Variants in FAM184B observed in about 807,000 individuals in gnomAD.
The protein encoded by FAM184B is family with sequence similarity 184 member B.
FAM184B carries 111 observed loss-of-function variants against 135.9 expected under a neutral mutation model. That is an observed-to-expected ratio of 0.82 (90% CI 0.70 to 0.96). The LOEUF is 0.96. Among genes scored for constraint, FAM184B ranks in the 40% least tolerant of loss-of-function variants. The probability of loss-of-function intolerance (pLI) is 0.00; values close to 1 mark genes in which losing one functional copy is unlikely to be tolerated. For missense variants in FAM184B, 1,375 were observed against 1,323.9 expected (o/e 1.04, Z -0.60); for synonymous variants, 552 against 524.8 (o/e 1.05, Z -0.71).
rs150967060 is a variant in FAM184B, at chr4:17,686,170, T to C, written c.1596+2254A>G. On this transcript the variant is annotated intron_variant, in intron 7 of 17. Coordinates refer to ENST00000265018, the MANE Select transcript of FAM184B (RefSeq NM_015688.2). ...GGCGCTGGTGAAAGGTGCAGCTGTC[T>C]CTGGGGCCAAAAGTTCTCTGGAATG... is the stretch of plus-strand genomic sequence containing the variant. Among the ~76,000 whole-genome samples the C allele has an allele frequency of 5.9e-3, 904 of 152,316 alleles. 7 individuals are homozygous for C. Among genetic ancestry groups the C allele is most frequent in the African/African-American group, 0.021 (873 of 41,564 alleles).
At chr4:17,692,731 A>T (rs1716764930) in intron 6 of FAM184B, among the ~76,000 whole-genome samples, 2 of 152,086 alleles carry the variant, frequency 1.3e-5, no homozygotes. Context: ...AGGACAGGGG[A>T]AGGAAGGAAA....
chr4:17,773,766 G>C (rs1718869190), intron 1 of FAM184B, among the ~76,000 whole-genome samples: 1 of 152,054 alleles, frequency 6.6e-6, no homozygotes, highest in African/African-American at 2.4e-5. Flanking sequence ...TAGTAGAGAT[G>C]GGGTTTCTCC....
intron 1 of FAM184B, among the ~76,000 whole-genome samples, chr4:17,745,936 T>C (rs1718149218): frequency 6.6e-6 from 1 of 152,212 alleles, no homozygotes; most frequent in Non-Finnish European, 1.5e-5. Flanking sequence ...TCTTTGGTTA[T>C]ATTTAATTTT....
chr4:17,653,570 C>T (rs1474647278), intron 10 of FAM184B, among the ~76,000 whole-genome samples: 6 of 152,012 alleles, frequency 3.9e-5, no homozygotes, highest in South Asian at 2.1e-4. Context: ...GGTTCATTCA[C>T]GCTTTCACTC....
intron 8 of FAM184B, among the ~76,000 whole-genome samples, chr4:17,661,553 C>T (rs1715921351): frequency 6.6e-6 from 1 of 151,856 alleles, no homozygotes; most frequent in Admixed American, 6.5e-5. Flanking sequence ...AACTCCACCT[C>T]AAACAAACAA....
intron 1 of FAM184B, among the ~76,000 whole-genome samples, chr4:17,771,692 C>T (rs1008205041): frequency 7.2e-5 from 11 of 152,274 alleles, no homozygotes; most frequent in African/African-American, 2.6e-4. Flanking sequence ...GCTGAGGACT[C>T]TCATGGCAAC....
At chr4:17,738,851 G>T (rs1467868476) in intron 1 of FAM184B, among the ~76,000 whole-genome samples, 2 of 152,006 alleles carry the variant, frequency 1.3e-5, no homozygotes, top group Non-Finnish European at 2.9e-5. Flanking sequence ...TCTGTGATGG[G>T]TCCTTGTTAA....
At chr4:17,658,267 G>T in intron 10 of FAM184B, 83 bp downstream of exon 10, 2 of 1,209,468 alleles carry the variant, frequency 1.7e-6, no homozygotes, top group Middle Eastern at 1.9e-4. Flanking sequence ...TGGATGTCAT[G>T]TAGAAAAGGG....
At chr4:17,732,634 A>C (rs1276633282) in intron 1 of FAM184B, among the ~76,000 whole-genome samples, 3 of 152,124 alleles carry the variant, frequency 2.0e-5, no homozygotes, top group African/African-American at 7.2e-5. Flanking sequence ...AAGACTAAAC[A>C]AGGAAGAAGT....
rs1273484091 is a variant in FAM184B, at chr4:17,724,471, C to G, written c.142-14827G>C. ...GAGGCCTCCCTTGAGGGATTTGGCT[C>G]TGGCTGTGCCATGTCCACCTGGCTG... On this transcript the variant is annotated intron_variant, in intron 1 of 17. Coordinates refer to ENST00000265018, the MANE Select transcript of FAM184B (RefSeq NM_015688.2). Among the ~76,000 whole-genome samples the G allele has an allele frequency of 2.0e-5, 3 of 152,216 alleles. No homozygotes were observed. In the East Asian group the frequency reaches 5.8e-4, roughly 29 times the overall value.
intron 11 of FAM184B, among the ~76,000 whole-genome samples, chr4:17,648,302 TG>T (rs1715520948): frequency 6.6e-6 from 1 of 152,032 alleles, no homozygotes; most frequent in African/African-American, 2.4e-5. Flanking sequence ...AGGCCTCTTC[TG>T]GGGGCGATGG....
Position 17,739,555 on chromosome 4 carries a change from G to GTTTTTTTTTTTTTTTTTTTTTTTT in FAM184B, c.142-29912_142-29911insAAAAAAAAAAAAAAAAAAAAAAAA, listed in dbSNP as rs397992408. Among the ~76,000 whole-genome samples the GTTTTTTTTTTTTTTTTTTTTTTTT allele has an allele frequency of 4.8e-5, 3 of 62,510 alleles. 1 individual carries two copies. The highest frequency in any genetic ancestry group is 6.3e-4 in the Admixed American group (2 of 3,174). The allele number at this position is 62,510 out of a possible 152,430, so 41.0% of individuals were successfully genotyped here. On this transcript the variant is annotated intron_variant, in intron 1 of 17. Transcript: ENST00000265018. ...CCCTACACCATATGTCATACCAACT[G>GTTTTTTTTTTTTTTTTTTTTTTTT]TTTTTTTTTTTTTTTTGAGATGGGG...
rs148308377 is a variant in FAM184B, at chr4:17,636,824, GCT to G, written c.2667-181_2667-180del. 4.4e-3 allele frequency among the ~76,000 whole-genome samples: 672 copies of G among 152,268 alleles called. 6 individuals are homozygous for G. Among genetic ancestry groups the G allele is most frequent in the Non-Finnish European group, 6.7e-3 (455 of 68,004 alleles). ...ATGGCTTGCCGAACCCAGGATTCCA[GCT>G]CTGTCAGGTCCCCTGAGGCTGCAGG... On this transcript the variant is annotated intron_variant, in intron 14 of 17. Transcript: ENST00000265018.
chr4:17,736,813 T>C (rs935478347), intron 1 of FAM184B, among the ~76,000 whole-genome samples: 2 of 152,116 alleles, frequency 1.3e-5, no homozygotes, highest in Non-Finnish European at 1.5e-5. Flanking sequence ...TGGGCTGCCA[T>C]GTGCCCAGAA....
intron 1 of FAM184B, among the ~76,000 whole-genome samples, chr4:17,739,640 T>C (rs1279837490): frequency 2.8e-5 from 4 of 143,104 alleles, no homozygotes; most frequent in South Asian, 4.7e-4. Flanking sequence ...CGGCAACCTC[T>C]GCCTCCCAGG....
chr4:17,645,071 A>G (rs1715431352), intron 12 of FAM184B, among the ~76,000 whole-genome samples: 1 of 152,164 alleles, frequency 6.6e-6, no homozygotes, highest in Non-Finnish European at 1.5e-5. Flanking sequence ...ACTGCTCAAC[A>G]AAATAAAAGA....
At chr4:17,639,454 G>C in intron 13 of FAM184B, 58 bp from the exon 14 acceptor site, 5 of 1,536,780 alleles carry the variant, frequency 3.3e-6, no homozygotes, top group Non-Finnish European at 4.4e-6. Context: ...CACCCCTTGG[G>C]CTCTGGGGTT....
chr4:17,632,858 TC>T (rs945137561), intron 17 of FAM184B: 1 of 388,746 alleles, frequency 2.6e-6, no homozygotes, highest in African/African-American at 2.0e-5. Context: ...TCTCCATTGT[TC>T]CTTTGAGACT....
chr4:17,752,615 C>T (rs1000687018), intron 1 of FAM184B, among the ~76,000 whole-genome samples: 4 of 152,226 alleles, frequency 2.6e-5, no homozygotes, highest in Non-Finnish European at 5.9e-5. Flanking sequence ...AAGTGCATCC[C>T]AAAATCAGAC....
Sources: allele counts gnomAD v4.1 joint callset (sites outside exome capture counted in the v4.1 genomes callset), GRCh38; gene constraint gnomAD v4.1.1; transcripts MANE v1.5; gene names NCBI Gene and HGNC (gene_info 2026-07-23, HGNC 2026-07-21).